CABLES2: variants seen among roughly 807,000 people sequenced by gnomAD.
The protein encoded by CABLES2 is CDK5 and ABL1 enzyme substrate 2.
In CABLES2, 35 loss-of-function variants were observed where a neutral mutation model predicts 44.8. The ratio of observed to expected loss-of-function variants is 0.78; its 90% CI spans 0.60 to 1.04. The LOEUF (loss-of-function observed/expected upper bound fraction) is 1.04, where lower values mean the gene tolerates loss of function less well. Ranked by LOEUF, CABLES2 falls within the 50% of genes least tolerant of loss-of-function variation. The pLI, the probability that CABLES2 is intolerant of heterozygous loss-of-function variation, is 0.00. For missense variants in CABLES2, 566 were observed against 615.7 expected (o/e 0.92, Z 0.85); for synonymous variants, 282 against 281.1 (o/e 1.00, Z -0.03).
chr20:62,391,286 C>T lies in CABLES2; in HGVS notation c.1259G>A (p.Ser420Asn), dbSNP rs764028051. ...ACVLLAAKIS[S>N]DLRKSGVTQL... ...CGTCACGCCGCTCTTGCGCAGGTCA[C>T]TGCTGATCTTGGCAGCCAGCAGCAC... The change falls in exon 9 of 10, where the codon AGT (serine) becomes AAT (asparagine). Residue 420 changes from serine (S) to asparagine (N), a missense_variant. Coordinates refer to ENST00000279101, the MANE Select transcript of CABLES2 (RefSeq NM_031215.3). The surrounding 1 kb of genome is among the most constrained non-coding windows in gnomAD (Gnocchi z 5.7). 6.2e-7 allele frequency: 1 copy of T among 1,612,880 alleles called. No homozygotes were observed. Among genetic ancestry groups the T allele is most frequent in the Non-Finnish European group, 8.5e-7 (1 of 1,179,952 alleles).
intron 1 of CABLES2, among the ~76,000 whole-genome samples, chr20:62,398,122 T>TGGTGATGGCGGTGGTGGTGAG (rs1988094462): frequency 8.2e-6 from 1 of 122,176 alleles, no homozygotes; most frequent in African/African-American, 3.4e-5. Flanking sequence ...GTGGTGGTGG[T>TGGTGATGGCGGTGGTGGTGAG]GGTTATGACG....
At chr20:62,392,087 G>A (rs570176054) in intron 8 of CABLES2, among the ~76,000 whole-genome samples, 5 of 152,100 alleles carry the variant, frequency 3.3e-5, no homozygotes, top group East Asian at 3.9e-4. Context: ...GGGAGGGGCC[G>A]GGCACAACAG....
In CABLES2 at chr20:62,394,231, G is replaced by C. The variant is rs1330199477; in HGVS notation, c.640C>G (p.Pro214Ala). ...LRVDSQKQRH[P>A]SGGVSVSSEM... ...GAAGACACAGAGACGCCGCCGGACG[G>C]GTGCCTCTGCTTCTGGCTGTCCACC... The change falls in exon 5 of 10, where the codon CCG (proline) becomes GCG (alanine). Residue 214 changes from proline to alanine, a missense_variant. Physicochemically the swap from Pro to Ala is conservative, Grantham distance 27 (BLOSUM62 -1). This residue lies in a region of CABLES2 where 436 missense variants were observed against 536.3 expected (regional missense o/e 0.81). Coordinates refer to ENST00000279101, the MANE Select transcript of CABLES2 (RefSeq NM_031215.3). 6.2e-7 allele frequency: 1 copy of C among 1,613,518 alleles called. No individual in the cohort carries two copies. Among genetic ancestry groups the C allele is most frequent in the African/African-American group, 1.3e-5 (1 of 75,046 alleles).
Position 62,396,675 on chromosome 20 carries a change from T to TGCAGG in CABLES2, c.363-88_363-84dup. 7.1e-7 allele frequency: 1 copy of TGCAGG among 1,409,604 alleles called. No individual in the cohort carries two copies. Among genetic ancestry groups the TGCAGG allele is most frequent in the Non-Finnish European group, 9.8e-7 (1 of 1,020,390 alleles). 87.3% of individuals were successfully genotyped at this position (1,409,604 alleles called of 1,614,324 possible). ...GCCAGAAACCGAGTGCCGCCCGCTG[T>TGCAGG]GCAGGGAAGGGCCACTCTCCAGCCC... On this transcript the variant is annotated intron_variant, in intron 1 of 9. Coordinates refer to ENST00000279101, the MANE Select transcript of CABLES2 (RefSeq NM_031215.3). This position sits in a 1 kb window ranked among gnomAD's most constrained non-coding sequence, Gnocchi z 5.7.
At position 62,396,238 on chromosome 20, in the gene CABLES2, G is replaced by A. The variant is rs1168452708; in HGVS notation, c.527+77C>T. 1.6e-6 allele frequency: 2 copies of A among 1,251,184 alleles called. No homozygotes were observed. Among genetic ancestry groups the A allele is most frequent in the Non-Finnish European group, 1.2e-6 (1 of 854,086 alleles). 77.5% of individuals were successfully genotyped at this position (1,251,184 alleles called of 1,614,324 possible). A position where few individuals can be genotyped will look rare whatever the true frequency, so the allele number is the denominator to read the frequency against. ...GAGCTTTGGGAGTGGAGGGAAGATT[G>A]CTTGGCTGACAGGGGCAGGACCCCG... is the stretch of plus-strand genomic sequence containing the variant. On this transcript the variant is annotated intron_variant, in intron 3 of 9. Coordinates refer to ENST00000279101, the MANE Select transcript of CABLES2 (RefSeq NM_031215.3). The surrounding 1 kb of genome is among the most constrained non-coding windows in gnomAD (Gnocchi z 5.7).
In CABLES2 at chr20:62,396,299, C is replaced by A; in HGVS notation, c.527+16G>T. 6.2e-7 allele frequency: 1 copy of A among 1,611,216 alleles called. No individual in the cohort carries two copies. The highest frequency in any genetic ancestry group is 1.7e-5 in the Admixed American group (1 of 59,988). ...GAGACCACAGCCCTGGCCCGGTTCC[C>A]GGCTCCGCTTCATACCTGCTGTTCC... is the stretch of plus-strand genomic sequence containing the variant. On this transcript the variant is annotated intron_variant, in intron 3 of 9. Coordinates refer to ENST00000279101, the MANE Select transcript of CABLES2 (RefSeq NM_031215.3). The surrounding 1 kb of genome is among the most constrained non-coding windows in gnomAD (Gnocchi z 5.7).
Position 62,391,465 on chromosome 20 carries a change from G to A in CABLES2, c.1092-12C>T, listed in dbSNP as rs1003574969. 2 of 1,611,656 alleles carry A rather than the reference G, an allele frequency of 1.2e-6. No homozygotes were observed. The highest frequency in any genetic ancestry group is 2.7e-5 in the African/African-American group (2 of 74,938). ...TCTCCCGCTTTAAGCTGTGGGTTAA[G>A]ACAGAAGCCATGTCCCTGGGGGCTC... is the stretch of plus-strand genomic sequence containing the variant. On this transcript the variant is annotated splice_polypyrimidine_tract_variant and intron_variant, in intron 8 of 9. Transcript: ENST00000279101. The surrounding 1 kb of genome is among the most constrained non-coding windows in gnomAD (Gnocchi z 5.7).
Position 62,394,012 on chromosome 20 carries a change from C to G in CABLES2, c.714+145G>C, listed in dbSNP as rs371809162. 2.5e-5 allele frequency: 17 copies of G among 691,604 alleles called. No individual in the cohort carries two copies. In the East Asian group the frequency reaches 4.5e-4, roughly 18 times the overall value. 42.8% of individuals were successfully genotyped at this position (691,604 alleles called of 1,614,324 possible). On this transcript the variant is annotated intron_variant, in intron 5 of 9. Transcript: ENST00000279101. Reference sequence around the variant, plus strand: ...CCAGGGCCACGTTCTCAGGGCTGCACGGGCCCGCATCCACTCCACCCTTGC... The same window carrying G: ...CCAGGGCCACGTTCTCAGGGCTGCAGGGGCCCGCATCCACTCCACCCTTGC...
intron 4 of CABLES2, among the ~76,000 whole-genome samples, 173 bp from the exon 5 acceptor site, chr20:62,394,438 A>G (rs1206342909): frequency 6.6e-6 from 1 of 152,182 alleles, no homozygotes; most frequent in African/African-American, 2.4e-5. Flanking sequence ...GAGTGCTTTC[A>G]TGGAAGGAGG....
chr20:62,402,645 G>A (rs1988210903), intron 1 of CABLES2: 1 of 152,210 alleles, frequency 6.6e-6, no homozygotes, highest in South Asian at 2.1e-4. Context: ...CTGGACCCTG[G>A]GGCACAGCTG....
intron 4 of CABLES2, 63 bp from the exon 5 acceptor site, chr20:62,394,328 C>T (rs189996287): frequency 4.4e-6 from 6 of 1,359,798 alleles, no homozygotes; most frequent in Non-Finnish European, 6.3e-6. Flanking sequence ...GGCAGCCCAG[C>T]CCACCTGTCC....
chr20:62,398,157 ACGG>A (rs1988100340), intron 1 of CABLES2, among the ~76,000 whole-genome samples: 1 of 37,312 alleles, frequency 2.7e-5, no homozygotes. Flanking sequence ...GGTGGTGGTG[ACGG>A]TGATGGTGGT....
At chr20:62,406,111 C>A (rs1009989075) in intron 1 of CABLES2, among the ~76,000 whole-genome samples, 1 of 152,022 alleles carries the variant, frequency 6.6e-6, no homozygotes, top group South Asian at 2.1e-4. Flanking sequence ...CCAAAGATAC[C>A]GAGCTGAGAG....
intron 1 of CABLES2, among the ~76,000 whole-genome samples, chr20:62,398,127 ATGACGG>A (rs1988095457): frequency 3.4e-5 from 1 of 29,610 alleles, no homozygotes; most frequent in Non-Finnish European, 6.4e-5. Flanking sequence ...GGTGGTGGTT[ATGACGG>A]TGGTGATGGT....
intron 6 of CABLES2, 84 bp from the exon 7 acceptor site, chr20:62,393,107 C>T (rs1359747621): frequency 1.7e-5 from 21 of 1,235,004 alleles, no homozygotes; most frequent in South Asian, 2.5e-5. Context: ...AGCGCCATGG[C>T]GGGGCAAGGC....
At chr20:62,392,852 C>T (rs904821853) in intron 7 of CABLES2, 68 bp downstream of exon 7, 3 of 1,408,384 alleles carry the variant, frequency 2.1e-6, no homozygotes, top group South Asian at 1.2e-5. Context: ...CCACAGCCTG[C>T]CCCACACGCC....
Position 62,396,292 on chromosome 20 carries a change from C to A in CABLES2, c.527+23G>T. On this transcript the variant is annotated intron_variant, in intron 3 of 9. Coordinates refer to ENST00000279101, the MANE Select transcript of CABLES2 (RefSeq NM_031215.3). This position sits in a 1 kb window ranked among gnomAD's most constrained non-coding sequence, Gnocchi z 5.7. ...GCTTATGGAGACCACAGCCCTGGCCCGGTTCCCGGCTCCGCTTCATACCTG... is the reference window on the plus strand; with the variant it reads ...GCTTATGGAGACCACAGCCCTGGCCAGGTTCCCGGCTCCGCTTCATACCTG... 6.2e-7 allele frequency: 1 copy of A among 1,605,702 alleles called. No individual in the cohort carries two copies. The highest frequency in any genetic ancestry group is 8.5e-7 in the Non-Finnish European group (1 of 1,172,618).
intron 1 of CABLES2, chr20:62,402,675 C>T (rs766153532): frequency 2.0e-5 from 3 of 152,292 alleles, no homozygotes; most frequent in Non-Finnish European, 4.4e-5. Flanking sequence ...TGGCTGGTCT[C>T]GGGTGCCCCA....
At chr20:62,398,679 C>T (rs1430096106) in intron 1 of CABLES2, among the ~76,000 whole-genome samples, 1 of 152,228 alleles carries the variant, frequency 6.6e-6, no homozygotes, top group Non-Finnish European at 1.5e-5. Flanking sequence ...TCCAGGTCCC[C>T]ACACCATGCC....
Sources: gnomAD v4.1 joint callset for allele counts (sites outside exome capture counted in the v4.1 genomes callset) on GRCh38, gnomAD v4.1.1 for gene constraint, gnomAD v4.1.1 regional missense constraint, Gnocchi (gnomAD v3.1) non-coding constraint, MANE v1.5 for transcripts, NCBI Gene and HGNC (gene_info 2026-07-23, HGNC 2026-07-21) for gene names.